PTH2R: variants seen among roughly 807,000 people sequenced by gnomAD.
The protein encoded by PTH2R is PTH2 receptor.
A neutral mutation model predicts 60.3 loss-of-function variants in PTH2R; 59 were observed. The observed-to-expected ratio is 0.98, with a 90% CI of 0.79 to 1.22. The LOEUF (loss-of-function observed/expected upper bound fraction) is 1.22, where lower values mean the gene tolerates loss of function less well. Ranked by LOEUF, PTH2R falls within the 50% of genes most tolerant of loss-of-function variation. The pLI is 0.00. For missense variants in PTH2R, 749 were observed against 682.6 expected (o/e 1.10, Z -1.08); for synonymous variants, 256 against 243.8 (o/e 1.05, Z -0.47).
At chr2:208,477,896 C>CTACTACTAGTACTAGCACTACTACTAGT (rs1703045007) in intron 9 of PTH2R, among the ~76,000 whole-genome samples, 1 of 146,926 alleles carries the variant, frequency 6.8e-6, no homozygotes, top group South Asian at 2.1e-4. Context: ...CTAGTACTAG[C>CTACTACTAGTACTAGCACTACTACTAGT]ACTACTACTA....
At chr2:208,431,909 C>A (rs1701980100) in intron 2 of PTH2R, among the ~76,000 whole-genome samples, 1 of 152,180 alleles carries the variant, frequency 6.6e-6, no homozygotes, top group Non-Finnish European at 1.5e-5. Flanking sequence ...TTACAGCCAG[C>A]TAAGCCATAT....
chr2:208,459,939 C>G lies in PTH2R; in HGVS notation c.959C>G (p.Ala320Gly), dbSNP rs771695532. The change falls in exon 9 of 13, where the codon GCA becomes GGA. Residue 320 changes from alanine to glycine, a missense_variant. Transcript: ENST00000272847. The part of the protein sequence containing the change: ...SAGDIKWIYQ[A>G]PILAAIGLNF... ...GGAGACATCAAGTGGATTTATCAAG[C>G]ACCGATCTTAGCAGCTATTGGGGTA... 6.2e-7 allele frequency: 1 copy of G among 1,612,918 alleles called. No individual in the cohort carries two copies. The highest frequency in any genetic ancestry group is 8.5e-7 in the Non-Finnish European group (1 of 1,179,392).
chr2:208,434,536 T>C (rs1038252915), intron 2 of PTH2R, among the ~76,000 whole-genome samples: 2 of 152,166 alleles, frequency 1.3e-5, no homozygotes, highest in Admixed American at 6.5e-5. Flanking sequence ...AAAATTTCCA[T>C]AGCAGTTTTA....
At position 208,443,411 on chromosome 2, in the gene PTH2R, T is replaced by C; in HGVS notation, c.573T>C (p.Ala191=). Residue 191 remains alanine (A), a synonymous_variant, in exon 6 of 13, where the codon GCT becomes GCC. Transcript: ENST00000272847. ...TATTTGTGTCTTTCATGCTGAGAGC[T>C]ACAAGCATCTTTGTCAAAGACAGAG... ...MHLFVSFMLR[A]TSIFVKDRVV... is the part of the protein sequence containing the mutation. The C allele has an allele frequency of 6.2e-7, 1 of 1,613,238 alleles. No individual in the cohort carries two copies. The highest frequency in any genetic ancestry group is 8.5e-7 in the Non-Finnish European group (1 of 1,179,568).
intron 1 of PTH2R, among the ~76,000 whole-genome samples, chr2:208,391,934 T>C (rs569877823): frequency 1.3e-5 from 2 of 152,282 alleles, no homozygotes; most frequent in East Asian, 3.9e-4. Context: ...ATCCACATAC[T>C]GCAAGACCCT....
chr2:208,395,699 C>T (rs923632995), intron 1 of PTH2R, among the ~76,000 whole-genome samples: 8 of 152,160 alleles, frequency 5.3e-5, no homozygotes, highest in African/African-American at 1.9e-4. Context: ...AATGGACTGT[C>T]GGAGGCTGGG....
chr2:208,449,832 C>A (rs1472089247), intron 7 of PTH2R, among the ~76,000 whole-genome samples: 1 of 152,026 alleles, frequency 6.6e-6, no homozygotes, highest in Non-Finnish European at 1.5e-5. Flanking sequence ...AAAAAATGTT[C>A]TTGGCTAGAC....
intron 1 of PTH2R, among the ~76,000 whole-genome samples, chr2:208,422,834 C>G (rs1701783650): frequency 6.6e-6 from 1 of 152,070 alleles, no homozygotes; most frequent in Admixed American, 6.6e-5. Flanking sequence ...TGATAACTGT[C>G]AAGATACAGA....
rs538690959 is a variant in PTH2R, at chr2:208,469,732, A to G, written c.981+9771A>G. 51 of 152,384 alleles carry G rather than the reference A, an allele frequency of 3.3e-4. 1 individual carries two copies. Among genetic ancestry groups the G allele is most frequent in the African/African-American group, 1.2e-3 (48 of 41,592 alleles). 9.4% of individuals were successfully genotyped at this position (152,384 alleles called of 1,614,324 possible). A position where few individuals can be genotyped will look rare whatever the true frequency, so the allele number is the denominator to read the frequency against. On this transcript the variant is annotated intron_variant, in intron 9 of 12. Coordinates refer to ENST00000272847, the MANE Select transcript of PTH2R (RefSeq NM_005048.4). ...TAAATGTCCCCAAATGTAATCATTT[A>G]TCAGACACCTGTGTCATCTTGATGT...
At chr2:208,431,575 A>T (rs1701972089) in intron 2 of PTH2R, among the ~76,000 whole-genome samples, 1 of 152,232 alleles carries the variant, frequency 6.6e-6, no homozygotes, top group Non-Finnish European at 1.5e-5. Flanking sequence ...GTGGTTAGAA[A>T]TGTTTAGAGA....
At chr2:208,477,946 G>C (rs373919600) in intron 9 of PTH2R, among the ~76,000 whole-genome samples, 1,657 of 144,636 alleles carry the variant, frequency 0.011, 149 homozygotes, top group African/African-American at 0.04. Flanking sequence ...ACTACTAGTA[G>C]TACTAGCACT....
intron 2 of PTH2R, among the ~76,000 whole-genome samples, chr2:208,428,742 A>C (rs1429461631): frequency 2.6e-5 from 4 of 152,156 alleles, no homozygotes; most frequent in African/African-American, 9.7e-5. Context: ...TTGATTTCTC[A>C]ATTGTTTATG....
intron 8 of PTH2R, among the ~76,000 whole-genome samples, chr2:208,452,438 T>C (rs1302545197): frequency 6.6e-6 from 1 of 152,248 alleles, no homozygotes; most frequent in Non-Finnish European, 1.5e-5. Context: ...TTTTTGTATA[T>C]TGTTATTTCA....
At chr2:208,369,105 G>T (rs1445573616) in intron 1 of PTH2R, among the ~76,000 whole-genome samples, 3 of 152,104 alleles carry the variant, frequency 2.0e-5, no homozygotes, top group African/African-American at 7.3e-5. Flanking sequence ...CAGCACCCAT[G>T]ACTATAGTTG....
At chr2:208,394,895 G>A (rs997315465) in intron 1 of PTH2R, among the ~76,000 whole-genome samples, 1 of 152,026 alleles carries the variant, frequency 6.6e-6, no homozygotes, top group African/African-American at 2.4e-5. Context: ...GACAGAATAG[G>A]TGGCTTAAAG....
chr2:208,378,368 A>T (rs2125874875), intron 1 of PTH2R, among the ~76,000 whole-genome samples: 1 of 152,162 alleles, frequency 6.6e-6, no homozygotes, highest in East Asian at 1.9e-4. Flanking sequence ...CCGTGGAAAG[A>T]GAGGGAGAGG....
intron 1 of PTH2R, among the ~76,000 whole-genome samples, chr2:208,388,831 A>G (rs1335230466): frequency 6.6e-6 from 1 of 152,232 alleles, no homozygotes; most frequent in African/African-American, 2.4e-5. Flanking sequence ...TTTGATTATA[A>G]TTCTATCCCT....
intron 1 of PTH2R, among the ~76,000 whole-genome samples, chr2:208,400,445 CA>C (rs2105823313): frequency 6.6e-6 from 1 of 152,202 alleles, no homozygotes; most frequent in African/African-American, 2.4e-5. Flanking sequence ...CTTATATTTC[CA>C]GGGGTAGCAA....
Position 208,442,450 on chromosome 2 carries a change from T to C in PTH2R, c.498T>C (p.Ile166=). Residue 166 remains isoleucine, a synonymous_variant, in exon 5 of 13, where the codon ATT becomes ATC. Coordinates refer to ENST00000272847, the MANE Select transcript of PTH2R (RefSeq NM_005048.4). ...FGSLAVAILI[I]GYFRRLHCTR... is the part of the protein sequence containing the mutation. ...CCTTGGCTGTGGCTATTCTCATCAT[T>C]GGTTACTTCAGGTGAGTGATGCCCA... 1 of 1,606,384 alleles carries C rather than the reference T, an allele frequency of 6.2e-7. No homozygotes were observed. The highest frequency in any genetic ancestry group is 8.5e-7 in the Non-Finnish European group (1 of 1,173,008).
Sources: allele counts gnomAD v4.1 joint callset (sites outside exome capture counted in the v4.1 genomes callset), GRCh38; gene constraint gnomAD v4.1.1; transcripts MANE v1.5; gene names NCBI Gene and HGNC (gene_info 2026-07-23, HGNC 2026-07-21).